RBFOX1: variants seen among roughly 807,000 people sequenced by gnomAD.
RBFOX1 encodes RNA binding fox-1 homolog 1, also known as RNA binding protein fox-1 homolog 1.
In RBFOX1, 8 loss-of-function variants were observed where a neutral mutation model predicts 57.7. That is an observed-to-expected ratio of 0.14 (90% CI 0.08 to 0.25). RBFOX1 has a LOEUF of 0.25. Among genes scored for constraint, RBFOX1 ranks in the 10% least tolerant of loss-of-function variants. The probability of loss-of-function intolerance (pLI) is 1.00; values close to 1 mark genes in which losing one functional copy is unlikely to be tolerated. For missense variants in RBFOX1, 611 were observed against 548.5 expected (o/e 1.11, Z -1.14); for synonymous variants, 326 against 222.4 (o/e 1.47, Z -4.15).
At chr16:7,533,348 A>G (rs934325254) in intron 5 of RBFOX1, among the ~76,000 whole-genome samples, 9 of 152,220 alleles carry the variant, frequency 5.9e-5, no homozygotes, top group Non-Finnish European at 8.8e-5. Context: ...CAGAGTTGTT[A>G]TATCAGAAAT....
chr16:5,412,142 C>G (rs2067038691), intron 1 of RBFOX1, among the ~76,000 whole-genome samples: 1 of 151,828 alleles, frequency 6.6e-6, no homozygotes, highest in Non-Finnish European at 1.5e-5. Flanking sequence ...GGACAGAGGT[C>G]AAACGCCCAG....
intron 2 of RBFOX1, among the ~76,000 whole-genome samples, chr16:5,519,002 T>C (rs1276080452): frequency 6.6e-6 from 1 of 152,104 alleles, no homozygotes; most frequent in East Asian, 1.9e-4. Context: ...CTGCTGCTGT[T>C]ATAAGAAGAG....
chr16:6,956,156 T>C (rs1568069485), intron 3 of RBFOX1, among the ~76,000 whole-genome samples: 1 of 152,126 alleles, frequency 6.6e-6, no homozygotes, highest in Non-Finnish European at 1.5e-5. Context: ...TTGCTAAGTC[T>C]GGGAAAAGAT....
intron 3 of RBFOX1, among the ~76,000 whole-genome samples, chr16:7,028,334 C>G (rs1172839663): frequency 2.0e-5 from 3 of 152,014 alleles, no homozygotes; most frequent in African/African-American, 7.2e-5. Context: ...AATTGCTCTG[C>G]CTGGGCTCAG....
chr16:5,558,262 G>A (rs1161029407), intron 2 of RBFOX1, among the ~76,000 whole-genome samples: 2 of 152,172 alleles, frequency 1.3e-5, no homozygotes, highest in African/African-American at 4.8e-5. Flanking sequence ...GCTGTCTGCA[G>A]CATGCAGAGC....
At chr16:7,206,540 G>A (rs2090014982) in intron 4 of RBFOX1, among the ~76,000 whole-genome samples, 1 of 151,854 alleles carries the variant, frequency 6.6e-6, no homozygotes, top group African/African-American at 2.4e-5. Flanking sequence ...TCAAAAATGA[G>A]TTGCTGCAAT....
intron 1 of RBFOX1, among the ~76,000 whole-genome samples, chr16:6,291,377 A>G (rs2077450000): frequency 6.6e-6 from 1 of 152,130 alleles, no homozygotes; most frequent in Non-Finnish European, 1.5e-5. Context: ...GGGTTAGATG[A>G]TATGAGATGG....
chr16:7,150,374 T>A (rs575812044), intron 4 of RBFOX1, among the ~76,000 whole-genome samples: 8 of 152,228 alleles, frequency 5.3e-5, no homozygotes, highest in African/African-American at 1.9e-4. Flanking sequence ...GCCCTATGAT[T>A]TGAGATTATT....
chr16:7,324,396 A>T (rs1473368240), intron 4 of RBFOX1, among the ~76,000 whole-genome samples: 1 of 152,080 alleles, frequency 6.6e-6, no homozygotes. Context: ...AAGGCAGAAG[A>T]TGTAGAGAGT....
At chr16:7,086,527 A>C (rs1297328060) in intron 4 of RBFOX1, among the ~76,000 whole-genome samples, 1 of 152,240 alleles carries the variant, frequency 6.6e-6, no homozygotes, top group Non-Finnish European at 1.5e-5. Context: ...CATACAATTT[A>C]AAATGGATTA....
chr16:6,295,903 C>T (rs941874427), intron 1 of RBFOX1, among the ~76,000 whole-genome samples: 2 of 152,262 alleles, frequency 1.3e-5, no homozygotes, highest in East Asian at 3.9e-4. Flanking sequence ...TCCCCTGGGC[C>T]ACAAACTAAT....
intron 2 of RBFOX1, among the ~76,000 whole-genome samples, chr16:6,630,680 T>A (rs1471908534): frequency 6.6e-6 from 1 of 152,204 alleles, no homozygotes; most frequent in African/African-American, 2.4e-5. Flanking sequence ...CTACAGCATT[T>A]CTGTTAAGTA....
intron 11 of RBFOX1, among the ~76,000 whole-genome samples, chr16:7,638,414 C>G (rs553045136): frequency 7.5e-5 from 2 of 26,814 alleles, no homozygotes; most frequent in African/African-American, 1.4e-4. Flanking sequence ...CTTCACTACT[C>G]TCTCAACTTA....
intron 3 of RBFOX1, among the ~76,000 whole-genome samples, chr16:6,958,868 C>G (rs1056985359): frequency 6.6e-6 from 1 of 151,956 alleles, no homozygotes; most frequent in Non-Finnish European, 1.5e-5. Context: ...CTTTTATTAC[C>G]TTTTTTTGAG....
At chr16:5,585,015 C>A (rs1306533581) in intron 2 of RBFOX1, among the ~76,000 whole-genome samples, 1 of 152,104 alleles carries the variant, frequency 6.6e-6, no homozygotes, top group African/African-American at 2.4e-5. Context: ...TAAAGGCAGC[C>A]TCCACATAGC....
intron 4 of RBFOX1, among the ~76,000 whole-genome samples, chr16:7,125,239 T>G (rs770689424): frequency 6.6e-6 from 1 of 152,148 alleles, no homozygotes; most frequent in South Asian, 2.1e-4. Flanking sequence ...TTAGCAGAGA[T>G]AGAACTTTGG....
intron 3 of RBFOX1, among the ~76,000 whole-genome samples, chr16:7,005,998 A>C (rs972083358): frequency 6.6e-6 from 1 of 152,160 alleles, no homozygotes; most frequent in African/African-American, 2.4e-5. Context: ...CAAATCCTCT[A>C]AGAAGCTGGA....
At position 7,510,529 on chromosome 16, in the gene RBFOX1, G is replaced by A. The variant is rs536147995; in HGVS notation, c.28-7618G>A. On this transcript the variant is annotated intron_variant, in intron 4 of 15. Transcript: ENST00000550418. ...TGTGTGTGGGCGCGCGCGCACGCGC[G>A]CACGCGCGCTTTCTGCTTGATGTGT... Among the ~76,000 whole-genome samples, 7 of 151,950 alleles carry A rather than the reference G, an allele frequency of 4.6e-5. No individual in the cohort carries two copies. The East Asian group carries it at 5.9e-4, about 13-fold the overall frequency.
In RBFOX1 at chr16:6,829,505, G is replaced by A. The variant is rs146891979; in HGVS notation, c.-16+174855G>A. On this transcript the variant is annotated intron_variant, in intron 3 of 15. Coordinates refer to ENST00000550418, the MANE Select transcript of RBFOX1 (RefSeq NM_018723.4). ...TTAAAAAAAAAAAAAACAAAAAAAC[G>A]TTAACTTATAGGTACTTAGTATGAC... is the stretch of plus-strand genomic sequence containing the variant. Among the ~76,000 whole-genome samples, 199 of 146,992 alleles carry A rather than the reference G, an allele frequency of 1.4e-3. 1 individual carries two copies. Among genetic ancestry groups the A allele is most frequent in the Non-Finnish European group, 2.0e-3 (137 of 67,078 alleles).
Sources: allele counts gnomAD v4.1 joint callset (sites outside exome capture counted in the v4.1 genomes callset), GRCh38; gene constraint gnomAD v4.1.1; transcripts MANE v1.5; gene names NCBI Gene and HGNC (gene_info 2026-07-23, HGNC 2026-07-21).